Variants in CAPN13 observed in about 807,000 individuals in gnomAD.
The protein encoded by CAPN13 is calpain 13.
CAPN13 carries 90 observed loss-of-function variants against 98.4 expected under a neutral mutation model. The ratio of observed to expected loss-of-function variants is 0.92; its 90% confidence interval spans 0.77 to 1.09. The LOEUF (loss-of-function observed/expected upper bound fraction) is 1.09. Ranked by LOEUF, CAPN13 falls within the 50% of genes least tolerant of loss-of-function variation. The pLI is 0.00. For synonymous variants in CAPN13, 330 were observed against 305.5 expected, an observed-to-expected ratio of 1.08 and a Z score of -0.84; for missense variants, 887 against 841.3, an observed-to-expected ratio of 1.05 and a Z score of -0.67.
intron 5 of CAPN13, among the ~76,000 whole-genome samples, chr2:30,765,127 G>A (rs1673046761): frequency 6.6e-6 from 1 of 152,174 alleles, no homozygotes; most frequent in African/African-American, 2.4e-5. Flanking sequence ...GAGGCCTAAT[G>A]TTCCCCAGGA....
rs976634620 is a variant in CAPN13, at chr2:30,751,287, C to T, written c.1088-36G>A. ...AAGAGCTGTTACTAGAGCTCAGCTC[C>T]ACTCCTGGGACTCCTGGGCAGGGCC... On this transcript the variant is annotated intron_variant, in intron 10 of 22. Transcript: ENST00000295055. 2.5e-6 allele frequency: 4 copies of T among 1,608,770 alleles called. No homozygotes were observed. The South Asian group carries it at 4.4e-5, about 18-fold the overall frequency.
chr2:30,750,410 CAT>C (rs1383880156), intron 11 of CAPN13, among the ~76,000 whole-genome samples: 2 of 152,216 alleles, frequency 1.3e-5, no homozygotes, highest in Middle Eastern at 3.4e-3. Context: ...CCCTGTGACA[CAT>C]GTTTACCTAT....
chr2:30,730,704 A>G, intron 22 of CAPN13, 26 bp downstream of exon 22: 1 of 779,968 alleles, frequency 1.3e-6, no homozygotes, highest in East Asian at 2.4e-5. Context: ...CCAGGAGGGA[A>G]AGACTCCAAA....
At chr2:30,801,070 T>TA (rs1456412552) in intron 1 of CAPN13, among the ~76,000 whole-genome samples, 1 of 152,184 alleles carries the variant, frequency 6.6e-6, no homozygotes, top group Non-Finnish European at 1.5e-5. Context: ...GCCTGCCATG[T>TA]ACCAAGTTAA....
At chr2:30,768,458 G>T (rs1402486488) in intron 5 of CAPN13, among the ~76,000 whole-genome samples, 1 of 152,122 alleles carries the variant, frequency 6.6e-6, no homozygotes, top group Non-Finnish European at 1.5e-5. Context: ...CTACAGAGAG[G>T]AGCAGAGCAG....
intron 9 of CAPN13, among the ~76,000 whole-genome samples, chr2:30,753,918 C>T (rs1466655784): frequency 3.3e-5 from 5 of 152,122 alleles, no homozygotes; most frequent in Admixed American, 2.6e-4. Flanking sequence ...CTGTTTTTGA[C>T]GTCATGCTAG....
At position 30,746,921 on chromosome 2, in the gene CAPN13, G is replaced by A. The variant is rs112556422; in HGVS notation, c.1237-1187C>T. ...GTTACTCTTCACAGCAATGATGATC[G>A]CACTGAAAGGAAGGGGGAGATTTTG... On this transcript the variant is annotated intron_variant, in intron 11 of 22. Coordinates refer to ENST00000295055, the MANE Select transcript of CAPN13 (RefSeq NM_144575.3). Among the ~76,000 whole-genome samples the A allele has an allele frequency of 3.2e-3, 480 of 152,302 alleles. 4 individuals carry two copies. The highest frequency in any genetic ancestry group is 9.7e-3 in the African/African-American group (401 of 41,554).
At chr2:30,749,701 C>A (rs1672079417) in intron 11 of CAPN13, among the ~76,000 whole-genome samples, 1 of 152,206 alleles carries the variant, frequency 6.6e-6, no homozygotes, top group Non-Finnish European at 1.5e-5. Flanking sequence ...GACCATGTCA[C>A]TTCACTTTTC....
intron 5 of CAPN13, among the ~76,000 whole-genome samples, chr2:30,766,758 G>T (rs941811853): frequency 1.3e-5 from 2 of 152,210 alleles, no homozygotes; most frequent in African/African-American, 2.4e-5. Context: ...ATCCCATAAA[G>T]GATGGGAAGC....
chr2:30,806,512 C>T lies in CAPN13; in HGVS notation c.-33+790G>A, dbSNP rs553108110. 3.3e-5 allele frequency among the ~76,000 whole-genome samples: 5 copies of T among 152,304 alleles called. No individual in the cohort carries two copies. In the East Asian group the frequency reaches 9.6e-4, roughly 29 times the overall value. On this transcript the variant is annotated intron_variant, in intron 1 of 22. Transcript: ENST00000295055. ...CTGATTGAAAGTCTAGTTAATGCCA[C>T]TCGGGGGTAACCAAAGTTGTGTTTG...
intron 3 of CAPN13, among the ~76,000 whole-genome samples, chr2:30,777,322 G>A (rs1454414298): frequency 6.6e-6 from 1 of 152,224 alleles, no homozygotes; most frequent in Non-Finnish European, 1.5e-5. Context: ...ATAAAATGGG[G>A]TTGTTGCACA....
intron 1 of CAPN13, among the ~76,000 whole-genome samples, chr2:30,789,041 T>C (rs564400583): frequency 2.6e-5 from 4 of 152,298 alleles, no homozygotes; most frequent in South Asian, 4.1e-4. Context: ...CTAATACACA[T>C]GTACATTTCT....
intron 1 of CAPN13, among the ~76,000 whole-genome samples, chr2:30,802,415 G>T (rs1001259775): frequency 6.6e-6 from 1 of 151,780 alleles, no homozygotes; most frequent in African/African-American, 2.4e-5. Context: ...TATTAAATAT[G>T]TCAAAAAGCA....
In CAPN13 at chr2:30,736,508, A is replaced by G. The variant is rs1324479840; in HGVS notation, c.1717T>C (p.Tyr573His). Reference protein sequence around the residue: ...FARLWKRLVHYQHVFQKVQTS... With the variant: ...FARLWKRLVHHQHVFQKVQTS... ...CACAGAGAATGTGCCCGTACCTGGT[A>G]GTGAACAAGGCGCTTCCACAGTCGC... The change falls in exon 18 of 23, where the codon TAC becomes CAC. Residue 573 changes from tyrosine (Y) to histidine (H), a missense_variant. Transcript: ENST00000295055. The G allele has an allele frequency of 6.2e-7, 1 of 1,613,976 alleles. No individual in the cohort carries two copies.
At chr2:30,799,478 TA>T (rs1675062846) in intron 1 of CAPN13, among the ~76,000 whole-genome samples, 1 of 152,102 alleles carries the variant, frequency 6.6e-6, no homozygotes, top group Non-Finnish European at 1.5e-5. Context: ...AGAGGAAGAC[TA>T]TGCAGGGCTC....
intron 1 of CAPN13, among the ~76,000 whole-genome samples, chr2:30,796,181 T>TACACAC (rs1674858246): frequency 6.8e-6 from 1 of 146,224 alleles, no homozygotes; most frequent in African/African-American, 2.6e-5. Flanking sequence ...TGTATATATA[T>TACACAC]ATACATATAT....
At chr2:30,772,616 G>T (rs1206807896) in intron 4 of CAPN13, among the ~76,000 whole-genome samples, 3 of 152,140 alleles carry the variant, frequency 2.0e-5, no homozygotes, top group Non-Finnish European at 2.9e-5. Context: ...AGCATCACCT[G>T]CCTGACAGAA....
chr2:30,754,759 C>A (rs1256762373), intron 8 of CAPN13, among the ~76,000 whole-genome samples: 1 of 152,112 alleles, frequency 6.6e-6, no homozygotes, highest in Non-Finnish European at 1.5e-5. Context: ...ATTGATCCTA[C>A]CTCTTACACC....
At chr2:30,734,649 G>A (rs984298471) in intron 18 of CAPN13, 125 bp from the exon 19 acceptor site, 4 of 737,304 alleles carry the variant, frequency 5.4e-6, no homozygotes, top group African/African-American at 5.2e-5. Flanking sequence ...CTGAGGACTG[G>A]GAGGACACAG....
Sources: gnomAD v4.1 joint callset for allele counts (sites outside exome capture counted in the v4.1 genomes callset) on GRCh38, gnomAD v4.1.1 for gene constraint, MANE v1.5 for transcripts, NCBI Gene and HGNC (gene_info 2026-07-23, HGNC 2026-07-21) for gene names.